Variants in GPHN observed in about 807,000 individuals in gnomAD.
The protein encoded by GPHN is gephyrin.
GPHN carries 17 observed loss-of-function variants against 95.5 expected under a neutral mutation model. That is an observed-to-expected ratio of 0.18 (90% CI 0.12 to 0.27). The LOEUF (loss-of-function observed/expected upper bound fraction) is 0.27, where lower values mean the gene tolerates loss of function less well. GPHN is among the 10% of genes least tolerant of loss of function. GPHN has a pLI of 1.00. For synonymous variants in GPHN, 320 were observed against 322.5 expected, an observed-to-expected ratio of 0.99 and a Z score of 0.08; for missense variants, 660 against 978.1, an observed-to-expected ratio of 0.67 and a Z score of 4.34.
intron 1 of GPHN, among the ~76,000 whole-genome samples, chr14:66,543,076 C>G (rs2059412393): frequency 6.6e-6 from 1 of 152,064 alleles, no homozygotes; most frequent in South Asian, 2.1e-4. Flanking sequence ...TTTTAAACAA[C>G]CAGATCTCCT....
intron 17 of GPHN, among the ~76,000 whole-genome samples, chr14:67,125,708 T>G (rs192504556): frequency 3.4e-5 from 5 of 147,910 alleles, no homozygotes; most frequent in African/African-American, 1.3e-4. Context: ...ATGTGGGAGG[T>G]GGGGGTTGCA....
chr14:67,390,683 G>A, the GPHN span: 15 of 1,612,460 alleles, frequency 9.3e-6, no homozygotes, highest in African/African-American at 9.4e-5. Context: ...TCATAGTAAT[G>A]CAGGAAAGCT....
At chr14:66,961,369 T>G (rs1167798136) in intron 8 of GPHN, among the ~76,000 whole-genome samples, 1 of 152,002 alleles carries the variant, frequency 6.6e-6, no homozygotes, top group Non-Finnish European at 1.5e-5. Context: ...GGATTCCTTT[T>G]AAGACACAAA....
the GPHN span, chr14:67,569,914 T>C: frequency 6.3e-7 from 1 of 1,590,718 alleles, no homozygotes; most frequent in African/African-American, 1.3e-5. Flanking sequence ...CTCTCTTCCC[T>C]GCTCAGCTTC....
intron 13 of GPHN, among the ~76,000 whole-genome samples, chr14:67,109,460 G>C (rs985412349): frequency 6.6e-6 from 1 of 152,130 alleles, no homozygotes; most frequent in Non-Finnish European, 1.5e-5. Context: ...GGAAGGTTCT[G>C]TCTCTTATAC....
the GPHN span, chr14:67,316,703 T>C: frequency 3.1e-6 from 2 of 650,890 alleles, no homozygotes; most frequent in East Asian, 6.0e-5. Flanking sequence ...TACTCCTGTG[T>C]TGGCAAAAGG....
intron 1 of GPHN, among the ~76,000 whole-genome samples, chr14:66,533,044 C>A (rs575785935): frequency 6.6e-6 from 1 of 152,120 alleles, no homozygotes; most frequent in Non-Finnish European, 1.5e-5. Flanking sequence ...GTGTAGTCGC[C>A]GAATAGTCAG....
the GPHN span, among the ~76,000 whole-genome samples, chr14:67,197,610 C>A: frequency 2.0e-5 from 3 of 152,096 alleles, no homozygotes; most frequent in Admixed American, 6.6e-5. Flanking sequence ...ATAAGGAGCG[C>A]GCAACCAAGA....
intron 1 of GPHN, among the ~76,000 whole-genome samples, chr14:66,561,508 C>T (rs890674362): frequency 6.6e-6 from 1 of 152,074 alleles, no homozygotes; most frequent in Admixed American, 6.6e-5. Flanking sequence ...TATTTCCTAA[C>T]AGTTGCCTCA....
chr14:67,327,750 T>C, the GPHN span, among the ~76,000 whole-genome samples: 25 of 152,316 alleles, frequency 1.6e-4, 1 homozygote, highest in East Asian at 4.8e-3. Context: ...TTTGGTTTTC[T>C]GTCCTTGTGA....
chr14:67,209,749 C>T, the GPHN span, among the ~76,000 whole-genome samples: 1 of 146,578 alleles, frequency 6.8e-6, no homozygotes, highest in Non-Finnish European at 1.5e-5. Flanking sequence ...ACCCGGGAGA[C>T]TGAGGTTGCA....
At chr14:67,331,556 G>A in the GPHN span, among the ~76,000 whole-genome samples, 1 of 152,006 alleles carries the variant, frequency 6.6e-6, no homozygotes, top group Non-Finnish European at 1.5e-5. Flanking sequence ...CTTATTGTCA[G>A]TTTTGCCTAG....
the GPHN span, among the ~76,000 whole-genome samples, chr14:67,317,155 G>T: frequency 6.6e-6 from 1 of 152,138 alleles, no homozygotes; most frequent in Non-Finnish European, 1.5e-5. Context: ...AGTGTAATAA[G>T]TATTTATAAA....
intron 10 of GPHN, among the ~76,000 whole-genome samples, chr14:67,050,576 C>G (rs755347671): frequency 6.6e-6 from 1 of 151,542 alleles, no homozygotes; most frequent in African/African-American, 2.4e-5. Flanking sequence ...TACCAGAAGA[C>G]AAATATAAAC....
chr14:66,852,887 G>A (rs1485894729), intron 4 of GPHN, among the ~76,000 whole-genome samples: 1 of 152,154 alleles, frequency 6.6e-6, no homozygotes. Flanking sequence ...GGTCAATTCT[G>A]TAAGATTTTT....
the GPHN span, chr14:67,227,623 G>C: frequency 6.6e-6 from 1 of 152,010 alleles, no homozygotes; most frequent in Non-Finnish European, 1.5e-5. Flanking sequence ...TAATGTGAAA[G>C]TTATTTGGAC....
At chr14:67,587,149 C>A in the GPHN span, 3 of 1,613,910 alleles carry the variant, frequency 1.9e-6, no homozygotes, top group African/African-American at 4.0e-5. Context: ...CACCAACCCA[C>A]CCGGAGCCTG....
At chr14:67,578,540 C>A in the GPHN span, 1 of 1,608,118 alleles carries the variant, frequency 6.2e-7, no homozygotes. This position sits in a 1 kb window ranked among gnomAD's most constrained non-coding sequence, Gnocchi z 5.0. Context: ...GCAGTGCTGG[C>A]AGCTCCTCGC....
the GPHN span, among the ~76,000 whole-genome samples, chr14:67,254,539 CCTTT>C: frequency 6.6e-6 from 1 of 152,156 alleles, no homozygotes; most frequent in Admixed American, 6.5e-5. Context: ...CATTAGCCTT[CCTTT>C]CTTATCAGAT....
Sources: gnomAD v4.1 joint callset for allele counts (sites outside exome capture counted in the v4.1 genomes callset) on GRCh38, gnomAD v4.1.1 for gene constraint, Gnocchi (gnomAD v3.1) non-coding constraint, MANE v1.5 for transcripts, NCBI Gene and HGNC (gene_info 2026-07-23, HGNC 2026-07-21) for gene names.